SPATA6: variants seen among roughly 807,000 people sequenced by gnomAD.
The protein encoded by SPATA6 is spermatogenesis associated 6, also known as spermatogenesis-associated protein 6.
A neutral mutation model predicts 65.3 loss-of-function variants in SPATA6; 56 were observed. The ratio of observed to expected loss-of-function variants is 0.86; its 90% confidence interval spans 0.69 to 1.07. The LOEUF (loss-of-function observed/expected upper bound fraction) is 1.07. Ranked by LOEUF, SPATA6 falls within the 50% of genes least tolerant of loss-of-function variation. SPATA6 has a pLI of 0.00. For missense variants in SPATA6, 590 were observed against 594.8 expected (o/e 0.99, Z 0.08); for synonymous variants, 199 against 213.2 (o/e 0.93, Z 0.58).
the SPATA6 span, among the ~76,000 whole-genome samples, chr1:48,278,124 G>T: frequency 6.6e-6 from 1 of 152,184 alleles, no homozygotes; most frequent in Admixed American, 6.5e-5. Flanking sequence ...TGAGGGTCCT[G>T]TCTGTTAGAA....
chr1:48,418,239 T>C (rs1186381221), intron 3 of SPATA6, among the ~76,000 whole-genome samples: 1 of 152,114 alleles, frequency 6.6e-6, no homozygotes, highest in African/African-American at 2.4e-5. Flanking sequence ...TCATGCTTCT[T>C]CTAATCTCAT....
intron 9 of SPATA6, among the ~76,000 whole-genome samples, chr1:48,364,766 G>A (rs567884636): frequency 6.6e-6 from 1 of 152,268 alleles, no homozygotes; most frequent in South Asian, 2.1e-4. Flanking sequence ...CACTCTGATG[G>A]TAGTTTCTTT....
chr1:48,310,234 G>C (rs1645169244), intron 11 of SPATA6, among the ~76,000 whole-genome samples: 1 of 152,170 alleles, frequency 6.6e-6, no homozygotes, highest in Admixed American at 6.5e-5. Context: ...CACTGGGAAA[G>C]CTCTCACTCA....
the SPATA6 span, among the ~76,000 whole-genome samples, chr1:48,274,377 G>A: frequency 6.6e-6 from 1 of 152,208 alleles, no homozygotes; most frequent in Non-Finnish European, 1.5e-5. Context: ...GGTTTTTGTT[G>A]CCATTGCTTT....
intron 9 of SPATA6, among the ~76,000 whole-genome samples, chr1:48,363,596 A>G (rs1306202020): frequency 6.6e-6 from 1 of 152,120 alleles, no homozygotes; most frequent in Non-Finnish European, 1.5e-5. Context: ...CAGCATAAAA[A>G]AGTCTTTTTT....
intron 11 of SPATA6, among the ~76,000 whole-genome samples, chr1:48,335,595 A>C (rs946653850): frequency 6.6e-6 from 1 of 152,144 alleles, no homozygotes; most frequent in Admixed American, 6.6e-5. Flanking sequence ...GAAGATTGAA[A>C]CTGGACCACT....
intron 3 of SPATA6, among the ~76,000 whole-genome samples, chr1:48,416,223 A>G (rs770687924): frequency 2.2e-3 from 333 of 152,264 alleles, no homozygotes; most frequent in Admixed American, 4.9e-3. Flanking sequence ...AAAAGAAATG[A>G]AAAATCCTGA....
chr1:48,375,473 G>A (rs1196800604), intron 9 of SPATA6, among the ~76,000 whole-genome samples: 4 of 151,932 alleles, frequency 2.6e-5, no homozygotes, highest in Non-Finnish European at 4.4e-5. Flanking sequence ...TAAAATCTTT[G>A]CCCTGGGTCA....
intron 9 of SPATA6, among the ~76,000 whole-genome samples, chr1:48,363,371 C>T (rs1646878030): frequency 6.6e-6 from 1 of 152,100 alleles, no homozygotes; most frequent in Admixed American, 6.6e-5. Flanking sequence ...TTCAATAATA[C>T]TGGCTTAGAG....
At position 48,389,775 on chromosome 1, in the gene SPATA6, T is replaced by C. The variant is rs572417502; in HGVS notation, c.869-4426A>G. On this transcript the variant is annotated intron_variant, in intron 8 of 12. Coordinates refer to ENST00000371847, the MANE Select transcript of SPATA6 (RefSeq NM_019073.4). Reference sequence around the variant, plus strand: ...TCACCAGTAAGCCAGCCCTACAAGATGTGATCAAGGGAACTCTAAACCTGA... The same window carrying C: ...TCACCAGTAAGCCAGCCCTACAAGACGTGATCAAGGGAACTCTAAACCTGA... 3.9e-5 allele frequency among the ~76,000 whole-genome samples: 6 copies of C among 152,266 alleles called. 1 individual carries two copies. The South Asian group carries it at 1.2e-3, about 32-fold the overall frequency.
intron 9 of SPATA6, among the ~76,000 whole-genome samples, chr1:48,369,326 CA>C (rs1456731053): frequency 1.3e-5 from 2 of 152,210 alleles, no homozygotes; most frequent in Non-Finnish European, 1.5e-5. Context: ...AGCTGTCAGA[CA>C]GGGACATTTA....
chr1:48,420,156 G>T, intron 3 of SPATA6, among the ~76,000 whole-genome samples: 1 of 152,206 alleles, frequency 6.6e-6, no homozygotes, highest in South Asian at 2.1e-4. Context: ...TGATGCCTCT[G>T]TAAAAACCCA....
At chr1:48,339,461 A>G (rs1646147799) in intron 11 of SPATA6, among the ~76,000 whole-genome samples, 1 of 152,078 alleles carries the variant, frequency 6.6e-6, no homozygotes, top group Admixed American at 6.6e-5. Context: ...AACAGAATCC[A>G]GGTATTAAGA....
At chr1:48,437,902 A>C (rs899974629) in intron 3 of SPATA6, among the ~76,000 whole-genome samples, 2 of 151,866 alleles carry the variant, frequency 1.3e-5, no homozygotes, top group African/African-American at 4.8e-5. Flanking sequence ...ATTGAGAAAA[A>C]AAAAAAAACA....
chr1:48,448,389 T>C (rs1656261829), intron 3 of SPATA6, among the ~76,000 whole-genome samples: 1 of 151,986 alleles, frequency 6.6e-6, no homozygotes, highest in African/African-American at 2.4e-5. Context: ...TTTTGAATGC[T>C]GACATTATGC....
intron 3 of SPATA6, among the ~76,000 whole-genome samples, chr1:48,432,724 C>G (rs1448363684): frequency 2.6e-5 from 4 of 152,014 alleles, no homozygotes; most frequent in Non-Finnish European, 4.4e-5. Flanking sequence ...ATGGTAATTT[C>G]TGAAAAAAAT....
intron 5 of SPATA6, among the ~76,000 whole-genome samples, chr1:48,408,732 C>G (rs952857101): frequency 1.3e-5 from 2 of 152,152 alleles, no homozygotes; most frequent in African/African-American, 4.8e-5. Context: ...AGGAGCAAGT[C>G]ACATCTTACA....
chr1:48,445,475 A>ACAC (rs1655938167), intron 3 of SPATA6, among the ~76,000 whole-genome samples: 1 of 152,002 alleles, frequency 6.6e-6, no homozygotes, highest in Non-Finnish European at 1.5e-5. Context: ...CCTGGCTAAC[A>ACAC]TGGTAAAACC....
chr1:48,467,615 C>A (rs1179954298), intron 1 of SPATA6, among the ~76,000 whole-genome samples: 1 of 152,044 alleles, frequency 6.6e-6, no homozygotes, highest in African/African-American at 2.4e-5. Flanking sequence ...AGCTTCTACA[C>A]AGCAAAGGAA....
Sources: gnomAD v4.1 joint callset for allele counts (sites outside exome capture counted in the v4.1 genomes callset) on GRCh38, gnomAD v4.1.1 for gene constraint, MANE v1.5 for transcripts, NCBI Gene and HGNC (gene_info 2026-07-23, HGNC 2026-07-21) for gene names.